Variants in DHRS7C observed in about 807,000 individuals in gnomAD.
The protein encoded by DHRS7C is dehydrogenase/reductase SDR family member 7C.
In DHRS7C, 28 loss-of-function variants were observed where a neutral mutation model predicts 29.6. The ratio of observed to expected loss-of-function variants is 0.95; its 90% CI spans 0.70 to 1.30. The LOEUF (loss-of-function observed/expected upper bound fraction) is 1.30. Among genes scored for constraint, DHRS7C ranks in the 50% most tolerant of loss-of-function variants. The pLI is 0.00. For synonymous variants in DHRS7C, 158 were observed against 160.2 expected (o/e 0.99, Z 0.10); for missense variants, 403 against 393.3 (o/e 1.02, Z -0.21).
chr17:9,776,102 C>T lies in DHRS7C; in HGVS notation c.571+1091G>A, dbSNP rs569414866. Among the ~76,000 whole-genome samples the T allele has an allele frequency of 2.8e-3, 432 of 152,298 alleles. 1 individual carries two copies. The highest frequency in any genetic ancestry group is 5.0e-3 in the Non-Finnish European group (340 of 68,016). ...CCTGTAGTCCCAGCTACTCAGGAGG[C>T]TGAGGCAGAAGAATCTCTTGATCCT... On this transcript the variant is annotated intron_variant, in intron 4 of 5. Coordinates refer to ENST00000571134, the MANE Select transcript of DHRS7C (RefSeq NM_001105571.3).
chr17:9,789,927 G>C (rs1002313313), intron 1 of DHRS7C, among the ~76,000 whole-genome samples: 3 of 152,106 alleles, frequency 2.0e-5, no homozygotes, highest in African/African-American at 7.2e-5. Flanking sequence ...TATCCTCTCT[G>C]GGAATTGTGT....
rs754093824 is a variant in DHRS7C, at chr17:9,791,115, A to G, written c.154+16T>C. 44 of 1,604,794 alleles carry G rather than the reference A, an allele frequency of 2.7e-5. No homozygotes were observed. The highest frequency in any genetic ancestry group is 3.5e-5 in the Non-Finnish European group (41 of 1,174,852). ...GGGGGCAGAAATGGGCACAGGTGGGAGCAAAGCCAGCTTACCCTTGCCCAG... is the reference window on the plus strand; with the variant it reads ...GGGGGCAGAAATGGGCACAGGTGGGGGCAAAGCCAGCTTACCCTTGCCCAG... On this transcript the variant is annotated intron_variant, in intron 1 of 5. Coordinates refer to ENST00000571134, the MANE Select transcript of DHRS7C (RefSeq NM_001105571.3).
intron 1 of DHRS7C, 95 bp downstream of exon 1, chr17:9,791,036 G>A: frequency 6.9e-7 from 1 of 1,458,762 alleles, no homozygotes; most frequent in Admixed American, 2.2e-5. Context: ...CACCGAGCAG[G>A]TTTGCCCACA....
chr17:9,772,756 T>C lies in DHRS7C; in HGVS notation c.727+11A>G. The C allele has an allele frequency of 1.9e-6, 3 of 1,613,554 alleles. No individual in the cohort carries two copies. The highest frequency in any genetic ancestry group is 2.5e-6 in the Non-Finnish European group (3 of 1,179,702). ...GCCCCCAGGGGCCCCAGCTTCCCTCTGAAGTCTCACATTTCCAAATGGAAG... is the reference window on the plus strand; with the variant it reads ...GCCCCCAGGGGCCCCAGCTTCCCTCCGAAGTCTCACATTTCCAAATGGAAG... On this transcript the variant is annotated intron_variant, in intron 5 of 5. Coordinates refer to ENST00000571134, the MANE Select transcript of DHRS7C (RefSeq NM_001105571.3).
chr17:9,774,180 A>G lies in DHRS7C; in HGVS notation c.572-1258T>C, dbSNP rs2066348094. 6.6e-6 allele frequency among the ~76,000 whole-genome samples: 1 copy of G among 152,230 alleles called. No homozygotes were observed. The highest frequency in any genetic ancestry group is 2.4e-5 in the African/African-American group (1 of 41,470). On this transcript the variant is annotated intron_variant, in intron 4 of 5. Coordinates refer to ENST00000571134, the MANE Select transcript of DHRS7C (RefSeq NM_001105571.3). This position sits in a 1 kb window ranked among gnomAD's most constrained non-coding sequence, Gnocchi z 5.0. Reference sequence around the variant, plus strand: ...AGTGAAGTCCCTGCTCTGGTGGGTGAGAAGCTGGGGACCCAGAGGTGAATA... The same window carrying G: ...AGTGAAGTCCCTGCTCTGGTGGGTGGGAAGCTGGGGACCCAGAGGTGAATA...
At position 9,772,872 on chromosome 17, in the gene DHRS7C, CGGCTCG is replaced by C. The variant is rs2066339463; in HGVS notation, c.616_621del (p.Arg206_Ala207del). On this transcript the variant is annotated inframe_deletion, in exon 5 of 6. Coordinates refer to ENST00000571134, the MANE Select transcript of DHRS7C (RefSeq NM_001105571.3). ...ATGACAACATCGTATTCCTCCACTT[CGGCTCG>C]GAGGCAGTCAAAGAAGCCCAGGGCT... The C allele has an allele frequency of 1.2e-6, 2 of 1,613,794 alleles. No individual in the cohort carries two copies. The highest frequency in any genetic ancestry group is 2.7e-5 in the African/African-American group (2 of 74,884).
At chr17:9,773,333 G>A (rs1490733373) in intron 4 of DHRS7C, among the ~76,000 whole-genome samples, 1 of 151,876 alleles carries the variant, frequency 6.6e-6, no homozygotes, top group Non-Finnish European at 1.5e-5. Context: ...TCCAAGGTCC[G>A]GGGCCAGCTG....
At chr17:9,789,467 G>T (rs1318413277) in intron 1 of DHRS7C, among the ~76,000 whole-genome samples, 1 of 152,178 alleles carries the variant, frequency 6.6e-6, no homozygotes, top group Non-Finnish European at 1.5e-5. Flanking sequence ...TGAGCTAGGT[G>T]CTGAGGCTGC....
At chr17:9,780,318 C>T (rs1423969071) in intron 2 of DHRS7C, among the ~76,000 whole-genome samples, 1 of 152,152 alleles carries the variant, frequency 6.6e-6, no homozygotes, top group African/African-American at 2.4e-5. Flanking sequence ...ATGAATATTG[C>T]CCTTCACGGC....
intron 5 of DHRS7C, 118 bp from the exon 6 acceptor site, chr17:9,771,814 G>A: frequency 8.3e-6 from 9 of 1,080,184 alleles, no homozygotes; most frequent in Non-Finnish European, 1.1e-5. Context: ...CGGAGTCACA[G>A]GTTCCAGGCC....
In DHRS7C at chr17:9,791,244, A is replaced by G. The variant is rs1386002581; in HGVS notation, c.41T>C (p.Leu14Pro). The G allele has an allele frequency of 2.5e-6, 4 of 1,612,762 alleles. No individual in the cohort carries two copies. The highest frequency in any genetic ancestry group is 3.4e-6 in the Non-Finnish European group (4 of 1,179,214). The stretch of plus-strand genomic sequence containing the variant: ...AATGAAGAGGAGGCCGCTGATTCCC[A>G]GCAGCAGCAGGGGGAGCATCAGCAT... ...MAMLMLPLLLLGISGLLFIYQ... is the reference protein window; with the variant it reads ...MAMLMLPLLLPGISGLLFIYQ... The change falls in exon 1 of 6, where the codon CTG (leucine) becomes CCG (proline). Residue 14 changes from leucine to proline, a missense_variant. By Grantham distance (98) the Leu-to-Pro change is moderately conservative. Transcript: ENST00000571134.
intron 4 of DHRS7C, among the ~76,000 whole-genome samples, chr17:9,773,476 G>A (rs2066343314): frequency 6.6e-6 from 1 of 152,118 alleles, no homozygotes; most frequent in Non-Finnish European, 1.5e-5. Context: ...GGGAAAAAAG[G>A]ATCATTCCAG....
Position 9,775,277 on chromosome 17 carries a change from G to A in DHRS7C, c.571+1916C>T, listed in dbSNP as rs573193902. On this transcript the variant is annotated intron_variant, in intron 4 of 5. Coordinates refer to ENST00000571134, the MANE Select transcript of DHRS7C (RefSeq NM_001105571.3). The surrounding 1 kb of genome is among the most constrained non-coding windows in gnomAD (Gnocchi z 4.2). ...AAGTGGACTGGGGAAGAGAGGAAAA[G>A]GCAGGATGTGGCAAAGACTGCTGTA... Among the ~76,000 whole-genome samples, 9 of 152,352 alleles carry A rather than the reference G, an allele frequency of 5.9e-5. No individual in the cohort carries two copies. The South Asian group carries it at 1.9e-3, about 32-fold the overall frequency.
In DHRS7C at chr17:9,787,455, G is replaced by A. The variant is rs375811939; in HGVS notation, c.154+3676C>T. Among the ~76,000 whole-genome samples the A allele has an allele frequency of 3.3e-5, 5 of 152,334 alleles. No individual in the cohort carries two copies. The East Asian group carries it at 7.7e-4, about 23-fold the overall frequency. On this transcript the variant is annotated intron_variant, in intron 1 of 5. Transcript: ENST00000571134. ...GCGTGCTCAGTGCCTCGGTGCTACT[G>A]CAGCCAAGCCTAGAGGTGCTGCTCC...
At chr17:9,777,421 G>A (rs2066368787) in intron 3 of DHRS7C, 136 bp from the exon 4 acceptor site, 1 of 589,904 alleles carries the variant, frequency 1.7e-6, no homozygotes. Flanking sequence ...GCAGGGCAGA[G>A]GTGGAATGAG....
At chr17:9,777,105 C>A (rs1397501366) in intron 4 of DHRS7C, 88 bp downstream of exon 4, 7 of 1,106,878 alleles carry the variant, frequency 6.3e-6, no homozygotes, top group Non-Finnish European at 8.9e-6. Flanking sequence ...CCCCTGTGAC[C>A]ATCTGCCTAG....
intron 3 of DHRS7C, 118 bp downstream of exon 3, chr17:9,779,707 A>C: frequency 9.4e-7 from 1 of 1,061,048 alleles, no homozygotes; most frequent in Non-Finnish European, 1.3e-6. Flanking sequence ...TAGGTAGGGA[A>C]TTTTCTGAGG....
At chr17:9,777,418 A>T in intron 3 of DHRS7C, 133 bp from the exon 4 acceptor site, 1 of 614,540 alleles carries the variant, frequency 1.6e-6, no homozygotes, top group Non-Finnish European at 2.8e-6. Context: ...GCAGCAGGGC[A>T]GAGGTGGAAT....
rs772224315 is a variant in DHRS7C at position 9,779,827 on chromosome 17, T to C, written c.476A>G (p.Lys159Arg). 1 of 1,611,324 alleles carries C rather than the reference T, an allele frequency of 6.2e-7. No homozygotes were observed. The highest frequency in any genetic ancestry group is 8.5e-7 in the Non-Finnish European group (1 of 1,178,780). ...TGGGAAAGTCAAACTCACGAGACCT[T>C]TCGTCAATGTGATGGGGCCAAAGTA... ...ANYFGPITLT[K>R]ALLPNMISRR... Residue 159 changes from lysine (K) to arginine (R), a missense_variant and splice_region_variant, in exon 3 of 6, where the codon AAA becomes AGA. Transcript: ENST00000571134.
Sources: gnomAD v4.1 joint callset for allele counts (sites outside exome capture counted in the v4.1 genomes callset) on GRCh38, gnomAD v4.1.1 for gene constraint, Gnocchi (gnomAD v3.1) non-coding constraint, MANE v1.5 for transcripts, NCBI Gene and HGNC (gene_info 2026-07-23, HGNC 2026-07-21) for gene names.